Variants in SLC5A2 observed in about 807,000 individuals in gnomAD.
SLC5A2 encodes solute carrier family 5 member 2.
Under a neutral mutation model 69.0 loss-of-function variants are expected in SLC5A2, and 67 were observed. The ratio of observed to expected loss-of-function variants is 0.97; its 90% confidence interval spans 0.80 to 1.19. SLC5A2 has a LOEUF of 1.19. Among genes scored for constraint, SLC5A2 ranks in the 50% most tolerant of loss-of-function variants. SLC5A2 has a pLI of 0.00. For synonymous variants in SLC5A2, 455 were observed against 395.8 expected, an observed-to-expected ratio of 1.15 and a Z score of -1.78; for missense variants, 1,001 against 921.5, an observed-to-expected ratio of 1.09 and a Z score of -1.12.
intron 12 of SLC5A2, chr16:31,489,883 A>G: frequency 1.7e-6 from 1 of 592,160 alleles, no homozygotes. Flanking sequence ...CTGGGGGAGC[A>G]AGGCCAACGG....
At position 31,483,245 on chromosome 16, in the gene SLC5A2, A is replaced by G; in HGVS notation, c.109A>G (p.Ile37Val). 2 of 1,612,878 alleles carry G rather than the reference A, an allele frequency of 1.2e-6. No homozygotes were observed. The highest frequency in any genetic ancestry group is 1.7e-6 in the Non-Finnish European group (2 of 1,179,744). ...LVIAAYFLLV[I>V]GVGLWSMCRT... The stretch of plus-strand genomic sequence containing the variant: ...CATTGCTGCATATTTCCTGCTGGTC[A>G]TTGGCGTTGGCTTGTGGGTGAGAAG... Residue 37 changes from isoleucine to valine, a missense_variant, in exon 1 of 14, where the codon ATT (isoleucine) becomes GTT (valine). By Grantham distance (29) the Ile-to-Val change is conservative (BLOSUM62 3). Coordinates refer to ENST00000330498, the MANE Select transcript of SLC5A2 (RefSeq NM_003041.4).
At chr16:31,484,498 T>A (rs2082479639) in intron 1 of SLC5A2, among the ~76,000 whole-genome samples, 175 bp from the exon 2 acceptor site, 1 of 151,920 alleles carries the variant, frequency 6.6e-6, no homozygotes, top group South Asian at 2.1e-4. Flanking sequence ...ACACTGGGAT[T>A]AGAGCCTGGG....
rs1325237793 is a variant in SLC5A2 at position 31,486,288 on chromosome 16, G to T, written c.574+13G>T. On this transcript the variant is annotated intron_variant, in intron 5 of 13. Coordinates refer to ENST00000330498, the MANE Select transcript of SLC5A2 (RefSeq NM_003041.4). Reference sequence around the variant, plus strand: ...TACACGGTGACAGGTGCCAGCAGGGGCTTAGGAAAGGGAGTGGGCCTGGGA... The same window carrying T: ...TACACGGTGACAGGTGCCAGCAGGGTCTTAGGAAAGGGAGTGGGCCTGGGA... 3 of 1,598,986 alleles carry T rather than the reference G, an allele frequency of 1.9e-6. No homozygotes were observed. Among genetic ancestry groups the T allele is most frequent in the Non-Finnish European group, 2.6e-6 (3 of 1,166,812 alleles).
Position 31,490,231 on chromosome 16 carries a change from G to C in SLC5A2, c.1792+1G>C. The C allele has an allele frequency of 6.2e-7, 1 of 1,614,144 alleles. No individual in the cohort carries two copies. Among genetic ancestry groups the C allele is most frequent in the Non-Finnish European group, 8.5e-7 (1 of 1,179,998 alleles). On this transcript the variant is annotated splice_donor_variant, in intron 13 of 13. Coordinates refer to ENST00000330498, the MANE Select transcript of SLC5A2 (RefSeq NM_003041.4). LOFTEE classifies it high-confidence loss of function. ...CCAGAGAGTGCCATGGAGATGAATG[G>C]TAGGGCACCATGCTGGGAGGTGGGG... is the stretch of plus-strand genomic sequence containing the variant.
chr16:31,485,349 C>G (rs2082486972), intron 3 of SLC5A2: 1 of 444,734 alleles, frequency 2.2e-6, no homozygotes, highest in Admixed American at 3.6e-5. Context: ...GGAGATTGGG[C>G]TTTGAGCTCA....
intron 2 of SLC5A2, 23 bp downstream of exon 2, chr16:31,484,767 C>G: frequency 6.2e-7 from 1 of 1,610,834 alleles, no homozygotes. Flanking sequence ...GGGCCGGGAA[C>G]GGGAGGGGCC....
chr16:31,488,555 C>G lies in SLC5A2; in HGVS notation c.1129+65C>G, dbSNP rs2082521697. ...GAGCCCGCTGCTGGGAGGGGTCGTC[C>G]CTCGCGCAGCTGCAGCCGCCCTGGA... is the stretch of plus-strand genomic sequence containing the variant. On this transcript the variant is annotated intron_variant, in intron 9 of 13. Coordinates refer to ENST00000330498, the MANE Select transcript of SLC5A2 (RefSeq NM_003041.4). The G allele has an allele frequency of 6.2e-6, 10 of 1,604,422 alleles. No individual in the cohort carries two copies. In the Admixed American group the frequency reaches 1.5e-4, roughly 25 times the overall value.
In SLC5A2 at chr16:31,484,725, G is replaced by C; in HGVS notation, c.179G>C (p.Arg60Pro). ...GTVGGYFLAG[R>P]SMVWWPVGAS... is the part of the protein sequence containing the mutation. ...GTGGGCGGCTACTTCCTGGCAGGAC[G>C]CAGCATGGTGTGGTGGCCGGTGAGA... The change falls in exon 2 of 14, where the codon CGC becomes CCC. Residue 60 changes from arginine to proline, a missense_variant. By Grantham distance (103) the Arg-to-Pro change is moderately radical (BLOSUM62 -2). Coordinates refer to ENST00000330498, the MANE Select transcript of SLC5A2 (RefSeq NM_003041.4). The C allele has an allele frequency of 6.2e-7, 1 of 1,610,074 alleles. No homozygotes were observed. Among genetic ancestry groups the C allele is most frequent in the Non-Finnish European group, 8.5e-7 (1 of 1,180,020 alleles).
rs564249983 is a variant in SLC5A2, at chr16:31,483,162, C to G, written c.26C>G (p.Ser9Trp). The change falls in exon 1 of 14, where the codon TCG (serine) becomes TGG (tryptophan). Residue 9 changes from serine to tryptophan, a missense_variant. Transcript: ENST00000330498. MEEHTEAG[S>W]APEMGAQKAL... is the part of the protein sequence containing the mutation. ...ATGGAGGAGCACACAGAGGCAGGCT[C>G]GGCACCAGAGATGGGGGCCCAGAAG... The G allele has an allele frequency of 1.6e-5, 26 of 1,613,870 alleles. No individual in the cohort carries two copies. The highest frequency in any genetic ancestry group is 1.6e-4 in the Middle Eastern group (1 of 6,084).
chr16:31,483,864 G>A (rs1292099087), intron 1 of SLC5A2, among the ~76,000 whole-genome samples: 2 of 151,940 alleles, frequency 1.3e-5, no homozygotes, highest in Non-Finnish European at 2.9e-5. Flanking sequence ...TGGGATTACA[G>A]ATGTGAGCCA....
At chr16:31,485,131 GC>G in intron 3 of SLC5A2, 1 of 650,440 alleles carries the variant, frequency 1.5e-6, no homozygotes, top group Admixed American at 2.1e-5. Flanking sequence ...CTTCTGACTT[GC>G]CATGTGAGCC....
chr16:31,489,313 G>A lies in SLC5A2; in HGVS notation c.1640G>A (p.Cys547Tyr). The part of the protein sequence containing the change: ...SGLLTLTVSL[C>Y]TAPIPRKHLH... ...CTCCTCACCCTCACGGTCTCCCTGT[G>A]CACCGCGCCCATCCCCAGAAAGCAC... Residue 547 changes from cysteine (C) to tyrosine (Y), a missense_variant, in exon 12 of 14, where the codon TGC (cysteine) becomes TAC (tyrosine). Transcript: ENST00000330498. 1 of 1,609,514 alleles carries A rather than the reference G, an allele frequency of 6.2e-7. No individual in the cohort carries two copies.
rs372440714 is a variant in SLC5A2 at position 31,489,118 on chromosome 16, C to T, written c.1450-5C>T. 77 of 1,607,310 alleles carry T rather than the reference C, an allele frequency of 4.8e-5. No individual in the cohort carries two copies. In the African/African-American group the frequency reaches 9.6e-4, roughly 20 times the overall value. Reference sequence around the variant, plus strand: ...CCTCAGCAGGCTGACCTGTTTCCTTCGCAGGGCGCCTTCTGGGGACTCATC... The same window carrying T: ...CCTCAGCAGGCTGACCTGTTTCCTTTGCAGGGCGCCTTCTGGGGACTCATC... On this transcript the variant is annotated splice_region_variant and splice_polypyrimidine_tract_variant and intron_variant, in intron 11 of 13. Transcript: ENST00000330498.
At position 31,484,914 on chromosome 16, in the gene SLC5A2, C is replaced by T. The variant is rs398122802; in HGVS notation, c.294C>T (p.Phe98=). The change falls in exon 3 of 14, where the codon TTC becomes TTT. Residue 98 remains phenylalanine, a synonymous_variant. Coordinates refer to ENST00000330498, the MANE Select transcript of SLC5A2 (RefSeq NM_003041.4). ...CAAGTGGCTTGGCTGTTGCTGGATT[C>T]GAGTGGAATGTGAGGCCCTCTTTTT... ...GAASGLAVAG[F]EWNALFVVLL... is the part of the protein sequence containing the mutation. 11 of 1,613,788 alleles carry T rather than the reference C, an allele frequency of 6.8e-6. No homozygotes were observed. The highest frequency in any genetic ancestry group is 2.7e-5 in the African/African-American group (2 of 74,922).
rs1482691256 is a variant in SLC5A2 at position 31,489,133 on chromosome 16, G to C, written c.1460G>C (p.Trp487Ser). 1.2e-6 allele frequency: 2 copies of C among 1,608,726 alleles called. No individual in the cohort carries two copies. The highest frequency in any genetic ancestry group is 1.7e-6 in the Non-Finnish European group (2 of 1,179,982). Residue 487 changes from tryptophan (W) to serine (S), a missense_variant, in exon 12 of 14, where the codon TGG becomes TCG. By Grantham distance (177) the Trp-to-Ser change is radical. Transcript: ENST00000330498. ...VPRVNEQGAFWGLIGGLLMGL... is the reference protein window; with the variant it reads ...VPRVNEQGAFSGLIGGLLMGL... The stretch of plus-strand genomic sequence containing the variant: ...CTGTTTCCTTCGCAGGGCGCCTTCT[G>C]GGGACTCATCGGGGGCCTGCTGATG...
chr16:31,489,004 G>A lies in SLC5A2; in HGVS notation c.1405G>A (p.Ala469Thr), dbSNP rs149680639. Residue 469 changes from alanine to threonine, a missense_variant, in exon 11 of 14, where the codon GCC becomes ACC. Ala to Thr is a moderately conservative substitution (Grantham distance 58). Coordinates refer to ENST00000330498, the MANE Select transcript of SLC5A2 (RefSeq NM_003041.4). ...VSSYLAPPVS[A>T]VFVLALFVPR... ...TAGCTACCTGGCACCGCCCGTGTCCGCCGTCTTCGTGCTGGCGCTCTTCGT... is the reference window on the plus strand; with the variant it reads ...TAGCTACCTGGCACCGCCCGTGTCCACCGTCTTCGTGCTGGCGCTCTTCGT... The A allele has an allele frequency of 1.6e-5, 25 of 1,600,562 alleles. No homozygotes were observed. The South Asian group carries it at 1.6e-4, about 11-fold the overall frequency.
chr16:31,488,838 G>A (rs959576009), intron 10 of SLC5A2, 42 bp from the exon 11 acceptor site: 1 of 1,602,102 alleles, frequency 6.2e-7, no homozygotes, highest in Non-Finnish European at 8.5e-7. Context: ...CACCTGCAGG[G>A]GAGCCCAGGG....
Position 31,488,948 on chromosome 16 carries a change from G to C in SLC5A2, c.1349G>C (p.Gly450Ala), listed in dbSNP as rs761304782. ...CCCGTGGTGCAGGCGGCACAGGGCG[G>C]GCAGCTCTTCGATTACATCCAGGCA... ...WLPVVQAAQG[G>A]QLFDYIQAVS... is the part of the protein sequence containing the mutation. Residue 450 changes from glycine (G) to alanine (A), a missense_variant, in exon 11 of 14, where the codon GGG becomes GCG. Transcript: ENST00000330498. The C allele has an allele frequency of 3.1e-6, 5 of 1,603,748 alleles. No homozygotes were observed. The highest frequency in any genetic ancestry group is 4.2e-6 in the Non-Finnish European group (5 of 1,179,886).
In SLC5A2 at chr16:31,484,607, T is replaced by A. The variant is rs755784848; in HGVS notation, c.127-66T>A. On this transcript the variant is annotated intron_variant, in intron 1 of 13. Transcript: ENST00000330498. ...GCCAGAAACAAGGCTGAGGAATGTGTTGAGGTGGCTGATGAGGTCCAAGGC... is the reference window on the plus strand; with the variant it reads ...GCCAGAAACAAGGCTGAGGAATGTGATGAGGTGGCTGATGAGGTCCAAGGC... The A allele has an allele frequency of 3.4e-4, 517 of 1,505,058 alleles. 2 individuals are homozygous for A. The highest frequency in any genetic ancestry group is 4.6e-4 in the Non-Finnish European group (500 of 1,094,650). The allele number at this position is 1,505,058 out of a possible 1,614,324, so 93.2% of individuals were successfully genotyped here.
Sources: allele counts gnomAD v4.1 joint callset (sites outside exome capture counted in the v4.1 genomes callset), GRCh38; gene constraint gnomAD v4.1.1; transcripts MANE v1.5; gene names NCBI Gene and HGNC (gene_info 2026-07-23, HGNC 2026-07-21).